The following EPHA6 variants were observed in gnomAD, a reference collection of about 807,000 sequenced individuals.
EPHA6 encodes EPH receptor A6, also known as ephrin type-A receptor 6.
In EPHA6, 50 loss-of-function variants were observed where a neutral mutation model predicts 112.0. That is an observed-to-expected ratio of 0.45 (90% CI 0.36 to 0.56). The LOEUF is 0.56. Ranked by LOEUF, EPHA6 falls within the 20% of genes least tolerant of loss-of-function variation. The probability of loss-of-function intolerance (pLI) is 0.00; values close to 1 mark genes in which losing one functional copy is unlikely to be tolerated. For missense variants in EPHA6, 1,280 were observed against 1,417.4 expected, an observed-to-expected ratio of 0.90 and a Z score of 1.56; for synonymous variants, 529 against 490.7, an observed-to-expected ratio of 1.08 and a Z score of -1.03.
At chr3:96,860,284 C>T (rs746995080) in intron 1 of EPHA6, among the ~76,000 whole-genome samples, 1 of 151,954 alleles carries the variant, frequency 6.6e-6, no homozygotes, top group African/African-American at 2.4e-5. Flanking sequence ...AGAAAAAAGA[C>T]TAAACTTTCA....
intron 14 of EPHA6, among the ~76,000 whole-genome samples, chr3:97,640,382 C>T (rs2093990579): frequency 6.6e-6 from 1 of 152,076 alleles, no homozygotes. Flanking sequence ...AGTGGCACTC[C>T]AAGAAATTTG....
chr3:97,669,486 G>A (rs1225809783), intron 14 of EPHA6, among the ~76,000 whole-genome samples: 1 of 151,504 alleles, frequency 6.6e-6, no homozygotes, highest in Non-Finnish European at 1.5e-5. Flanking sequence ...TGCAGACCAT[G>A]GCCAGGCACA....
intron 11 of EPHA6, among the ~76,000 whole-genome samples, chr3:97,547,941 C>A (rs866733234): frequency 6.6e-6 from 1 of 152,114 alleles, no homozygotes; most frequent in African/African-American, 2.4e-5. Flanking sequence ...GTGGGAGTGA[C>A]CCAATTTTCC....
At chr3:96,954,767 G>C (rs2041687820) in intron 2 of EPHA6, among the ~76,000 whole-genome samples, 1 of 141,866 alleles carries the variant, frequency 7.0e-6, no homozygotes, top group Non-Finnish European at 1.5e-5. Flanking sequence ...ATTTTTACTG[G>C]TGTGCCTTTT....
chr3:97,590,051 T>C (rs968094965), intron 11 of EPHA6, among the ~76,000 whole-genome samples: 1 of 152,186 alleles, frequency 6.6e-6, no homozygotes, highest in Admixed American at 6.5e-5. Context: ...AATTGCTGTT[T>C]CTCCTGAATA....
At chr3:97,436,833 A>G (rs2089866673) in intron 6 of EPHA6, among the ~76,000 whole-genome samples, 2 of 152,140 alleles carry the variant, frequency 1.3e-5, no homozygotes, top group Non-Finnish European at 2.9e-5. Flanking sequence ...TTTATCTGCT[A>G]CCTTTTATTA....
intron 3 of EPHA6, among the ~76,000 whole-genome samples, chr3:97,216,383 C>T (rs2078035180): frequency 6.6e-6 from 1 of 152,160 alleles, no homozygotes; most frequent in South Asian, 2.1e-4. Flanking sequence ...ATCCCGTCAT[C>T]TCCCACCAGG....
chr3:97,333,433 G>C (rs1452168770), intron 5 of EPHA6, among the ~76,000 whole-genome samples: 1 of 131,456 alleles, frequency 7.6e-6, no homozygotes, highest in South Asian at 2.5e-4. Context: ...ACCAGAAAGA[G>C]TTTTATTTCT....
chr3:96,854,329 G>A (rs774873648), intron 1 of EPHA6, among the ~76,000 whole-genome samples: 9 of 151,572 alleles, frequency 5.9e-5, no homozygotes, highest in Admixed American at 1.3e-4. Flanking sequence ...ACAGGTGCAC[G>A]CCACCACACC....
chr3:97,136,922 G>A (rs2075783363), intron 3 of EPHA6, among the ~76,000 whole-genome samples: 1 of 151,952 alleles, frequency 6.6e-6, no homozygotes, highest in Admixed American at 6.6e-5. Context: ...TATCATATTG[G>A]AAAGAAGGAC....
chr3:97,671,990 G>A (rs545930116), intron 14 of EPHA6, among the ~76,000 whole-genome samples: 26 of 152,222 alleles, frequency 1.7e-4, no homozygotes, highest in African/African-American at 6.3e-4. Context: ...CCTGATTTAG[G>A]ATACACTATA....
At chr3:97,352,974 T>C (rs1385779195) in intron 5 of EPHA6, among the ~76,000 whole-genome samples, 3 of 151,982 alleles carry the variant, frequency 2.0e-5, no homozygotes, top group Non-Finnish European at 4.4e-5. Context: ...TAAGGCAAAA[T>C]AGGGCACCAG....
chr3:96,926,755 G>A (rs2040054686), intron 2 of EPHA6, among the ~76,000 whole-genome samples: 1 of 152,180 alleles, frequency 6.6e-6, no homozygotes, highest in African/African-American at 2.4e-5. Flanking sequence ...TGATGCAAGG[G>A]GTGGGCTCCC....
intron 2 of EPHA6, among the ~76,000 whole-genome samples, chr3:96,926,650 G>T (rs2040049673): frequency 6.6e-6 from 1 of 152,186 alleles, no homozygotes; most frequent in African/African-American, 2.4e-5. Flanking sequence ...GGGGCTACAG[G>T]CCCCATGCAA....
chr3:97,491,332 C>G (rs547826510), intron 10 of EPHA6, among the ~76,000 whole-genome samples: 4 of 152,156 alleles, frequency 2.6e-5, no homozygotes, highest in Admixed American at 2.6e-4. Flanking sequence ...CCCCTTCAGT[C>G]CAATTCACAT....
intron 5 of EPHA6, among the ~76,000 whole-genome samples, chr3:97,353,482 G>A (rs1179136232): frequency 6.6e-6 from 1 of 151,544 alleles, no homozygotes; most frequent in Non-Finnish European, 1.5e-5. Flanking sequence ...TAGTAGTCAG[G>A]CAATACTTGT....
intron 3 of EPHA6, among the ~76,000 whole-genome samples, chr3:96,994,442 A>T (rs1293528314): frequency 6.6e-6 from 1 of 152,028 alleles, no homozygotes; most frequent in Non-Finnish European, 1.5e-5. Context: ...GTATTATGCT[A>T]ATTTACATCA....
intron 2 of EPHA6, among the ~76,000 whole-genome samples, chr3:96,881,627 C>CT (rs1451510234): frequency 6.6e-6 from 1 of 152,178 alleles, no homozygotes; most frequent in Non-Finnish European, 1.5e-5. Flanking sequence ...TGTCTTCACA[C>CT]TTCAAAACCA....
At chr3:96,929,177 C>T (rs2040191280) in intron 2 of EPHA6, among the ~76,000 whole-genome samples, 1 of 152,174 alleles carries the variant, frequency 6.6e-6, no homozygotes, top group Non-Finnish European at 1.5e-5. Context: ...GAGTTTAGGG[C>T]ACCAAGTCCC....
Sources: allele counts gnomAD v4.1 joint callset (sites outside exome capture counted in the v4.1 genomes callset), GRCh38; gene constraint gnomAD v4.1.1; transcripts MANE v1.5; gene names NCBI Gene and HGNC (gene_info 2026-07-23, HGNC 2026-07-21).